The following LRRIQ3 variants were observed in gnomAD, a reference collection of about 807,000 sequenced individuals.
LRRIQ3 encodes the protein leucine rich repeats and IQ motif containing 3.
In LRRIQ3, 75 loss-of-function variants were observed where a neutral mutation model predicts 59.3. The observed-to-expected ratio is 1.26, with a 90% CI of 1.05 to 1.53. LRRIQ3 has a LOEUF of 1.53. Among genes scored for constraint, LRRIQ3 ranks in the 40% most tolerant of loss-of-function variants. The pLI is 0.00. For missense variants in LRRIQ3, 831 were observed against 710.0 expected (o/e 1.17, Z -1.94); for synonymous variants, 250 against 231.3 (o/e 1.08, Z -0.73).
At chr1:74,073,226 CT>C (rs1414041220) in intron 6 of LRRIQ3, among the ~76,000 whole-genome samples, 1 of 152,006 alleles carries the variant, frequency 6.6e-6, no homozygotes, top group African/African-American at 2.4e-5. Flanking sequence ...TATTCCAAGA[CT>C]TTTGGCCAGG....
intron 6 of LRRIQ3, 120 bp downstream of exon 6, chr1:74,074,541 A>T: frequency 2.6e-6 from 1 of 390,962 alleles, no homozygotes; most frequent in Middle Eastern, 8.7e-4. Context: ...AAGTCTCAAC[A>T]TATATTTCAT....
At chr1:74,030,601 A>C (rs915249072) in intron 7 of LRRIQ3, among the ~76,000 whole-genome samples, 2 of 152,212 alleles carry the variant, frequency 1.3e-5, no homozygotes, top group Non-Finnish European at 2.9e-5. Flanking sequence ...ACCTTATACA[A>C]AAATTAATTC....
chr1:74,155,367 G>A (rs1648255216), intron 4 of LRRIQ3, among the ~76,000 whole-genome samples: 3 of 152,090 alleles, frequency 2.0e-5, no homozygotes, highest in Admixed American at 2.0e-4. Flanking sequence ...ACTAAATAAA[G>A]GACAATATAG....
At chr1:74,097,192 T>A (rs12122433) in intron 5 of LRRIQ3, among the ~76,000 whole-genome samples, 74,813 of 152,036 alleles carry the variant, frequency 0.49, 19,417 homozygotes, top group East Asian at 0.82. Flanking sequence ...CTTACTAGAA[T>A]AACCAGTGTA....
chr1:74,078,271 C>T (rs918047300), intron 5 of LRRIQ3, among the ~76,000 whole-genome samples: 1 of 151,678 alleles, frequency 6.6e-6, no homozygotes. Context: ...TGTCATGATA[C>T]ATGGTTCTGT....
intron 4 of LRRIQ3, among the ~76,000 whole-genome samples, chr1:74,114,144 A>G (rs1251534534): frequency 6.6e-6 from 1 of 151,922 alleles, no homozygotes; most frequent in Non-Finnish European, 1.5e-5. Flanking sequence ...ACTACCTCAA[A>G]TGGTAGCTCA....
At chr1:74,162,860 G>A in intron 3 of LRRIQ3, among the ~76,000 whole-genome samples, 1 of 151,608 alleles carries the variant, frequency 6.6e-6, no homozygotes, top group East Asian at 1.9e-4. Context: ...GGAAAGAAGA[G>A]ATAGGAAAAG....
chr1:74,120,966 T>C (rs941567720), intron 4 of LRRIQ3, among the ~76,000 whole-genome samples: 1 of 152,158 alleles, frequency 6.6e-6, no homozygotes, highest in Non-Finnish European at 1.5e-5. Context: ...CATTTGTGTC[T>C]ACCTGTGTTC....
At chr1:74,052,726 T>A (rs966052992) in intron 6 of LRRIQ3, among the ~76,000 whole-genome samples, 2 of 152,066 alleles carry the variant, frequency 1.3e-5, no homozygotes, top group Non-Finnish European at 2.9e-5. Context: ...TATATAACAA[T>A]TACAAATCCC....
chr1:74,029,424 T>C (rs1344632756), intron 7 of LRRIQ3, among the ~76,000 whole-genome samples: 1 of 152,150 alleles, frequency 6.6e-6, no homozygotes, highest in Non-Finnish European at 1.5e-5. Context: ...TTGAATTTTG[T>C]CAAAGGCCTT....
chr1:74,073,771 GA>G (rs1646164840), intron 6 of LRRIQ3, among the ~76,000 whole-genome samples: 1 of 151,998 alleles, frequency 6.6e-6, no homozygotes. Flanking sequence ...GATTAAAAAA[GA>G]AAGATTTGAA....
At chr1:74,150,762 T>C (rs1647881852) in intron 4 of LRRIQ3, among the ~76,000 whole-genome samples, 1 of 152,152 alleles carries the variant, frequency 6.6e-6, no homozygotes, top group South Asian at 2.1e-4. Flanking sequence ...CCTGATTCTT[T>C]TATCTATTTT....
intron 5 of LRRIQ3, among the ~76,000 whole-genome samples, chr1:74,105,201 G>A (rs904617278): frequency 6.6e-6 from 1 of 151,210 alleles, no homozygotes; most frequent in Non-Finnish European, 1.5e-5. Context: ...TTAATATCTT[G>A]CTGACTATAC....
chr1:74,183,719 T>C (rs771627136), intron 1 of LRRIQ3, 35 bp from the exon 2 acceptor site: 2 of 1,394,346 alleles, frequency 1.4e-6, no homozygotes, highest in Non-Finnish European at 1.9e-6. Flanking sequence ...GATTTTTTTT[T>C]CCACTTTCAA....
At chr1:74,101,757 G>C (rs6696755) in intron 5 of LRRIQ3, among the ~76,000 whole-genome samples, 41 of 152,066 alleles carry the variant, frequency 2.7e-4, no homozygotes, top group African/African-American at 9.7e-4. Context: ...ATGTCCTTTG[G>C]AGGGACATGG....
chr1:74,100,070 G>A (rs1305048851), intron 5 of LRRIQ3, among the ~76,000 whole-genome samples: 1 of 152,124 alleles, frequency 6.6e-6, no homozygotes, highest in Non-Finnish European at 1.5e-5. Context: ...AATCAGGCAG[G>A]AGAAAGAAAT....
intron 5 of LRRIQ3, among the ~76,000 whole-genome samples, chr1:74,087,686 G>A (rs1256868067): frequency 6.6e-6 from 1 of 151,966 alleles, no homozygotes; most frequent in Non-Finnish European, 1.5e-5. Context: ...ATTTGTGTGA[G>A]TACCTATCTA....
chr1:74,083,031 T>C (rs1411486398), intron 5 of LRRIQ3: 2 of 151,680 alleles, frequency 1.3e-5, no homozygotes, highest in African/African-American at 4.8e-5. Flanking sequence ...CTCCGCCAAA[T>C]GCCACATGTA....
chr1:74,035,254 A>T (rs1403655495), intron 7 of LRRIQ3, among the ~76,000 whole-genome samples: 3 of 152,040 alleles, frequency 2.0e-5, no homozygotes, highest in Admixed American at 6.6e-5. Flanking sequence ...AGCATTTTTG[A>T]TTGCCAATAT....
Sources: allele counts gnomAD v4.1 joint callset (sites outside exome capture counted in the v4.1 genomes callset), GRCh38; gene constraint gnomAD v4.1.1; transcripts MANE v1.5; gene names NCBI Gene and HGNC (gene_info 2026-07-23, HGNC 2026-07-21).